Variants in FMNL2 observed in about 807,000 individuals in gnomAD.
FMNL2 encodes formin like 2, also known as formin-like protein 2.
Under a neutral mutation model 130.2 loss-of-function variants are expected in FMNL2, and 51 were observed. The ratio of observed to expected loss-of-function variants is 0.39; its 90% confidence interval spans 0.31 to 0.49. The LOEUF is 0.49. FMNL2 is among the 20% of genes least tolerant of loss of function. FMNL2 has a pLI of 0.85. For missense variants in FMNL2, 977 were observed against 1,316.2 expected, an observed-to-expected ratio of 0.74 and a Z score of 3.99; for synonymous variants, 465 against 467.1, an observed-to-expected ratio of 1.00 and a Z score of 0.06.
chr2:152,416,705 T>C (rs2164402), intron 1 of FMNL2, among the ~76,000 whole-genome samples: 47,604 of 152,120 alleles, frequency 0.31, 7,862 homozygotes, highest in Middle Eastern at 0.45. Context: ...GAGGAGACTT[T>C]CAATGAAATT....
chr2:152,388,145 A>G (rs1684889864), intron 1 of FMNL2, among the ~76,000 whole-genome samples: 1 of 152,214 alleles, frequency 6.6e-6, no homozygotes, highest in Non-Finnish European at 1.5e-5. Context: ...CTGAAGAGAC[A>G]TAATTGAGGT....
intron 10 of FMNL2, among the ~76,000 whole-genome samples, chr2:152,609,595 A>G (rs903926579): frequency 6.6e-5 from 10 of 152,164 alleles, no homozygotes; most frequent in African/African-American, 1.2e-4. Flanking sequence ...TTGTAAAGAT[A>G]TATTTTTTAA....
intron 1 of FMNL2, among the ~76,000 whole-genome samples, chr2:152,346,212 A>G (rs1257297870): frequency 6.6e-6 from 1 of 151,976 alleles, no homozygotes; most frequent in Non-Finnish European, 1.5e-5. Context: ...TGTAGTAGAG[A>G]CGGGGTTTCA....
intron 6 of FMNL2, 49 bp from the exon 7 acceptor site, chr2:152,575,087 C>G: frequency 1.7e-6 from 2 of 1,179,360 alleles, no homozygotes; most frequent in African/African-American, 1.5e-5. Context: ...TGTGCCTATG[C>G]TAAGAAAGTA....
chr2:152,418,617 A>T (rs1686743782), intron 1 of FMNL2, among the ~76,000 whole-genome samples: 1 of 152,162 alleles, frequency 6.6e-6, no homozygotes, highest in African/African-American at 2.4e-5. Context: ...TTCTTGTTGT[A>T]GCATTTGTCA....
chr2:152,601,185 C>T (rs1341830151), intron 9 of FMNL2, among the ~76,000 whole-genome samples: 3 of 152,242 alleles, frequency 2.0e-5, no homozygotes, highest in East Asian at 1.9e-4. Context: ...TTCCCTTTCT[C>T]GGCCAAGCCC....
At chr2:152,400,042 G>T (rs532573115) in intron 1 of FMNL2, among the ~76,000 whole-genome samples, 1 of 152,292 alleles carries the variant, frequency 6.6e-6, no homozygotes, top group South Asian at 2.1e-4. Context: ...TTGTTTTGAT[G>T]AGTTGAGTTT....
intron 2 of FMNL2, among the ~76,000 whole-genome samples, chr2:152,523,350 CTTA>C (rs1392053225): frequency 6.6e-6 from 1 of 151,978 alleles, no homozygotes; most frequent in Non-Finnish European, 1.5e-5. Flanking sequence ...GGTATAAATG[CTTA>C]TAAGAGACCA....
intron 1 of FMNL2, among the ~76,000 whole-genome samples, chr2:152,520,529 A>T (rs1693029283): frequency 6.6e-6 from 1 of 150,812 alleles, no homozygotes; most frequent in African/African-American, 2.4e-5. Context: ...CAGGAAGCGG[A>T]GGTTGCAGTG....
intron 1 of FMNL2, among the ~76,000 whole-genome samples, chr2:152,411,994 A>G (rs1345469227): frequency 6.6e-6 from 1 of 152,158 alleles, no homozygotes; most frequent in African/African-American, 2.4e-5. Flanking sequence ...AGATCATAAA[A>G]GCATCCCAAG....
At chr2:152,583,384 G>C (rs1459124656) in intron 9 of FMNL2, among the ~76,000 whole-genome samples, 1 of 152,190 alleles carries the variant, frequency 6.6e-6, no homozygotes, top group African/African-American at 2.4e-5. Context: ...ATGAATTCAA[G>C]TATGAGTTAG....
chr2:152,409,316 G>T (rs4664582), intron 1 of FMNL2, among the ~76,000 whole-genome samples: 1 of 152,252 alleles, frequency 6.6e-6, no homozygotes. Flanking sequence ...ATGATAAGAC[G>T]CCACTTATTA....
chr2:152,616,284 G>A (rs79390884), intron 12 of FMNL2, among the ~76,000 whole-genome samples: 3,646 of 150,586 alleles, frequency 0.024, 90 homozygotes, highest in Middle Eastern at 0.028. Flanking sequence ...CTATTTGAAT[G>A]GCCTCCCCCA....
chr2:152,338,337 T>C (rs1681598737), intron 1 of FMNL2, among the ~76,000 whole-genome samples: 1 of 152,158 alleles, frequency 6.6e-6, no homozygotes, highest in African/African-American at 2.4e-5. Flanking sequence ...ACAGACTGTT[T>C]CAAGCTAGGA....
chr2:152,643,735 G>GT (rs1282097028), intron 25 of FMNL2: 6 of 985,292 alleles, frequency 6.1e-6, no homozygotes, highest in African/African-American at 5.2e-5. Context: ...TCACATTGCT[G>GT]TAACAGTCTG....
At position 152,622,849 on chromosome 2, in the gene FMNL2, A is replaced by G. The variant is rs139345795; in HGVS notation, c.1838-2589A>G. Among the ~76,000 whole-genome samples, 24 of 120,684 alleles carry G rather than the reference A, an allele frequency of 2.0e-4. 1 individual carries two copies. In the East Asian group the frequency reaches 5.3e-3, roughly 27 times the overall value. 79.2% of individuals were successfully genotyped at this position (120,684 alleles called of 152,430 possible). A position where few individuals can be genotyped will look rare whatever the true frequency, so the allele number is the denominator to read the frequency against. Reference sequence around the variant, plus strand: ...TTTTCTTCTTCTTCTTTTAATTTTTATATTTGTATCTGAGACTTCAACTCT... The same window carrying G: ...TTTTCTTCTTCTTCTTTTAATTTTTGTATTTGTATCTGAGACTTCAACTCT... On this transcript the variant is annotated intron_variant, in intron 15 of 25. Transcript: ENST00000288670.
intron 1 of FMNL2, among the ~76,000 whole-genome samples, chr2:152,515,122 G>A (rs990309119): frequency 6.6e-6 from 1 of 152,108 alleles, no homozygotes; most frequent in Non-Finnish European, 1.5e-5. Flanking sequence ...ACCATATTGT[G>A]TCATTTAATG....
rs145151429 is a variant in FMNL2 at position 152,529,551 on chromosome 2, C to A, written c.201+7525C>A. Reference sequence around the variant, plus strand: ...AGTTTCCTTTCCTTTAAGACTCACTCCAGGTCTCTGATTCTTTGATTCTGA... The same window carrying A: ...AGTTTCCTTTCCTTTAAGACTCACTACAGGTCTCTGATTCTTTGATTCTGA... On this transcript the variant is annotated intron_variant, in intron 2 of 25. Transcript: ENST00000288670. 4.9e-4 allele frequency among the ~76,000 whole-genome samples: 74 copies of A among 152,268 alleles called. 1 individual carries two copies. In the East Asian group the frequency reaches 0.013, roughly 26 times the overall value.
chr2:152,546,370 A>G (rs1016469158), intron 3 of FMNL2, among the ~76,000 whole-genome samples: 4 of 152,056 alleles, frequency 2.6e-5, no homozygotes, highest in Admixed American at 2.6e-4. Flanking sequence ...GGTGTGTCAC[A>G]TGGTGAGCAA....
Sources: gnomAD v4.1 joint callset for allele counts (sites outside exome capture counted in the v4.1 genomes callset) on GRCh38, gnomAD v4.1.1 for gene constraint, MANE v1.5 for transcripts, NCBI Gene and HGNC (gene_info 2026-07-23, HGNC 2026-07-21) for gene names.